The following OSBPL1A variants were observed in gnomAD, a reference collection of about 807,000 sequenced individuals.
OSBPL1A encodes oxysterol binding protein like 1A, also known as oxysterol-binding protein-related protein 1.
OSBPL1A carries 80 observed loss-of-function variants against 137.1 expected under a neutral mutation model. That is an observed-to-expected ratio of 0.58 (90% CI 0.49 to 0.70). The LOEUF (loss-of-function observed/expected upper bound fraction) is 0.70, where lower values mean the gene tolerates loss of function less well. Among genes scored for constraint, OSBPL1A ranks in the 30% least tolerant of loss-of-function variants. OSBPL1A has a pLI of 0.00. For synonymous variants in OSBPL1A, 365 were observed against 389.7 expected (o/e 0.94, Z 0.75); for missense variants, 970 against 1,129.4 (o/e 0.86, Z 2.02).
intron 15 of OSBPL1A, among the ~76,000 whole-genome samples, chr18:24,268,279 C>G (rs2089631628): frequency 6.6e-6 from 1 of 152,034 alleles, no homozygotes; most frequent in Non-Finnish European, 1.5e-5. Context: ...CCACACCCAG[C>G]TAATTTTTTA....
intron 18 of OSBPL1A, among the ~76,000 whole-genome samples, chr18:24,187,268 C>T (rs1163361635): frequency 1.3e-5 from 2 of 151,928 alleles, no homozygotes; most frequent in African/African-American, 4.8e-5. Context: ...TTCGAGGGGA[C>T]GGTTTCAGTT....
intron 2 of OSBPL1A, among the ~76,000 whole-genome samples, chr18:24,374,626 T>G (rs1173351163): frequency 6.6e-6 from 1 of 152,150 alleles, no homozygotes; most frequent in Non-Finnish European, 1.5e-5. Flanking sequence ...GGTTCCCCCA[T>G]GTCATTGGCT....
intron 18 of OSBPL1A, among the ~76,000 whole-genome samples, chr18:24,194,868 G>A (rs573701399): frequency 3.9e-5 from 6 of 152,216 alleles, no homozygotes; most frequent in East Asian, 1.9e-4. Flanking sequence ...ATCAGGCTCC[G>A]AAATTTAGAT....
intron 13 of OSBPL1A, among the ~76,000 whole-genome samples, chr18:24,308,785 A>G (rs2146108817): frequency 6.7e-6 from 1 of 150,330 alleles, no homozygotes; most frequent in South Asian, 2.1e-4. Context: ...TTTTTTTTTG[A>G]GTCGTCTCAC....
At chr18:24,334,438 T>C in intron 5 of OSBPL1A, 108 bp from the exon 6 acceptor site, 1 of 661,114 alleles carries the variant, frequency 1.5e-6, no homozygotes. Context: ...TTTTGGATTG[T>C]AATTCAAATG....
At chr18:24,342,554 T>C (rs2091288764) in intron 4 of OSBPL1A, among the ~76,000 whole-genome samples, 1 of 152,190 alleles carries the variant, frequency 6.6e-6, no homozygotes, top group Non-Finnish European at 1.5e-5. Context: ...TTGCTACACG[T>C]TATGCTGTCC....
At chr18:24,216,279 G>A (rs1267101448) in intron 17 of OSBPL1A, among the ~76,000 whole-genome samples, 1 of 152,232 alleles carries the variant, frequency 6.6e-6, no homozygotes, top group Non-Finnish European at 1.5e-5. Context: ...GCCAAGGCGG[G>A]TGGATTGCCC....
intron 7 of OSBPL1A, among the ~76,000 whole-genome samples, chr18:24,331,639 G>A (rs1016912817): frequency 4.0e-5 from 6 of 149,370 alleles, no homozygotes; most frequent in African/African-American, 5.1e-5. Flanking sequence ...CTCGTGATCC[G>A]CCCGCCTCGG....
intron 17 of OSBPL1A, among the ~76,000 whole-genome samples, chr18:24,223,176 C>A (rs2145984747): frequency 6.6e-6 from 1 of 152,062 alleles, no homozygotes; most frequent in Non-Finnish European, 1.5e-5. Flanking sequence ...CTATTATAAT[C>A]ATAGATTATT....
intron 24 of OSBPL1A, 81 bp downstream of exon 24, chr18:24,170,246 T>C (rs1021067879): frequency 8.6e-6 from 13 of 1,515,990 alleles, no homozygotes; most frequent in Non-Finnish European, 1.2e-5. Context: ...ACTGTGACCC[T>C]AGAACAGGCC....
At chr18:24,365,583 C>CAA (rs879374674) in intron 4 of OSBPL1A, among the ~76,000 whole-genome samples, 1 of 94,610 alleles carries the variant, frequency 1.1e-5, no homozygotes. Context: ...GACTCGGTCT[C>CAA]AAAAAAAAAA....
chr18:24,189,392 T>G (rs1567931916), intron 18 of OSBPL1A, among the ~76,000 whole-genome samples: 1 of 152,182 alleles, frequency 6.6e-6, no homozygotes, highest in Non-Finnish European at 1.5e-5. Flanking sequence ...AGACAGCAGC[T>G]TGTGGGCAGG....
At chr18:24,368,508 A>C in intron 2 of OSBPL1A, 136 bp from the exon 3 acceptor site, 1 of 659,002 alleles carries the variant, frequency 1.5e-6, no homozygotes, top group Admixed American at 2.6e-5. Flanking sequence ...AAGATATGTG[A>C]CCAAGAAGTG....
chr18:24,364,775 ACT>A (rs1390584174), intron 4 of OSBPL1A: 3 of 151,938 alleles, frequency 2.0e-5, no homozygotes, highest in Admixed American at 6.6e-5. Context: ...TAATCCCGAC[ACT>A]CTGAGAGACC....
chr18:24,275,898 T>C (rs778487822), intron 15 of OSBPL1A, among the ~76,000 whole-genome samples: 61 of 152,064 alleles, frequency 4.0e-4, no homozygotes, highest in Non-Finnish European at 8.1e-4. Flanking sequence ...TGGCTAATTT[T>C]TTGTATTTTT....
intron 18 of OSBPL1A, among the ~76,000 whole-genome samples, chr18:24,189,762 T>C (rs140302506): frequency 2.2e-3 from 333 of 152,274 alleles, no homozygotes; most frequent in Non-Finnish European, 3.4e-3. Context: ...TACTCTAAGG[T>C]GTCCCGGGAT....
chr18:24,229,877 A>C (rs2145994539), intron 16 of OSBPL1A, among the ~76,000 whole-genome samples: 1 of 152,068 alleles, frequency 6.6e-6, no homozygotes, highest in East Asian at 1.9e-4. Context: ...CAGCCTCCCA[A>C]GTACCTGGGA....
intron 4 of OSBPL1A, among the ~76,000 whole-genome samples, chr18:24,360,077 C>T (rs1171230256): frequency 6.6e-6 from 1 of 152,190 alleles, no homozygotes; most frequent in Admixed American, 6.5e-5. Context: ...AAGTGATTCT[C>T]CTGCCTCAGC....
intron 27 of OSBPL1A, among the ~76,000 whole-genome samples, chr18:24,163,963 C>G (rs770399549): frequency 1.3e-5 from 2 of 152,126 alleles, no homozygotes; most frequent in Admixed American, 6.5e-5. Context: ...AACTCCTGAC[C>G]TCATGATCTG....
Sources: gnomAD v4.1 joint callset for allele counts (sites outside exome capture counted in the v4.1 genomes callset) on GRCh38, gnomAD v4.1.1 for gene constraint, MANE v1.5 for transcripts, NCBI Gene and HGNC (gene_info 2026-07-23, HGNC 2026-07-21) for gene names.